The following MAP3K1 variants were observed in gnomAD, a reference collection of about 807,000 sequenced individuals.
The protein encoded by MAP3K1 is mitogen-activated protein kinase kinase kinase 1.
In MAP3K1, 36 loss-of-function variants were observed where a neutral mutation model predicts 144.2. The observed-to-expected ratio is 0.25, with a 90% CI of 0.19 to 0.33. The LOEUF is 0.33. Among genes scored for constraint, MAP3K1 ranks in the 10% least tolerant of loss-of-function variants. The pLI is 1.00. For synonymous variants in MAP3K1, 718 were observed against 688.7 expected, an observed-to-expected ratio of 1.04 and a Z score of -0.67; for missense variants, 1,650 against 1,881.9, an observed-to-expected ratio of 0.88 and a Z score of 2.28.
intron 1 of MAP3K1, among the ~76,000 whole-genome samples, chr5:56,841,816 A>T (rs1324113958): frequency 6.6e-6 from 1 of 152,222 alleles, no homozygotes; most frequent in African/African-American, 2.4e-5. Context: ...GTCATGGCTA[A>T]TGGCACAGTC....
At chr5:56,831,037 A>G (rs574662198) in intron 1 of MAP3K1, among the ~76,000 whole-genome samples, 2 of 152,162 alleles carry the variant, frequency 1.3e-5, no homozygotes, top group Non-Finnish European at 2.9e-5. Context: ...ATGTTAATTC[A>G]TTCCCATATG....
At chr5:56,846,021 A>G (rs146753384) in intron 1 of MAP3K1, among the ~76,000 whole-genome samples, 38 of 152,344 alleles carry the variant, frequency 2.5e-4, no homozygotes, top group African/African-American at 8.4e-4. Flanking sequence ...GATGAGTGAT[A>G]TAAGTGTTTT....
intron 1 of MAP3K1, among the ~76,000 whole-genome samples, chr5:56,821,751 T>TA (rs963853633): frequency 4.6e-5 from 7 of 152,190 alleles, no homozygotes; most frequent in African/African-American, 1.7e-4. Context: ...AAACTGGTCT[T>TA]ATGGTATTCT....
chr5:56,844,459 G>A (rs1433880357), intron 1 of MAP3K1, among the ~76,000 whole-genome samples: 3 of 152,082 alleles, frequency 2.0e-5, no homozygotes, highest in Non-Finnish European at 4.4e-5. Flanking sequence ...GATTACAGGT[G>A]TGAGCCACCG....
intron 3 of MAP3K1, 90 bp from the exon 4 acceptor site, chr5:56,864,644 A>T (rs1331389178): frequency 2.2e-6 from 3 of 1,391,166 alleles, no homozygotes; most frequent in African/African-American, 1.4e-5. Flanking sequence ...AAGTGCTGGG[A>T]TTACAGGCGT....
rs1748243745 is a variant in MAP3K1 at position 56,882,260 on chromosome 5, A to G, written c.3060A>G (p.Gln1020=). Reference sequence around the variant, plus strand: ...GCAGAATACCTTCTGCATCTCCTCAAACACAGCGCAAGTTTTCTCTACAAT... The same window carrying G: ...GCAGAATACCTTCTGCATCTCCTCAGACACAGCGCAAGTTTTCTCTACAAT... ...IPCRIPSASP[Q]TQRKFSLQFH... Residue 1020 remains glutamine, a synonymous_variant, in exon 14 of 20, where the codon CAA becomes CAG. Transcript: ENST00000399503. 1 of 1,614,070 alleles carries G rather than the reference A, an allele frequency of 6.2e-7. No individual in the cohort carries two copies. The highest frequency in any genetic ancestry group is 1.7e-5 in the Admixed American group (1 of 59,990).
At position 56,881,279 on chromosome 5, in the gene MAP3K1, T is replaced by G; in HGVS notation, c.2369+7T>G. On this transcript the variant is annotated splice_region_variant and intron_variant, in intron 13 of 19. Transcript: ENST00000399503. ...CTGAGCCTGTTGAAATCAGGTAATTTTTCTTCTGAAAATGTATTACTTGTA... is the reference window on the plus strand; with the variant it reads ...CTGAGCCTGTTGAAATCAGGTAATTGTTCTTCTGAAAATGTATTACTTGTA... 2 of 1,609,540 alleles carry G rather than the reference T, an allele frequency of 1.2e-6. No individual in the cohort carries two copies. Among genetic ancestry groups the G allele is most frequent in the Non-Finnish European group, 1.7e-6 (2 of 1,176,800 alleles).
At chr5:56,816,554 G>C (rs115694969) in intron 1 of MAP3K1, among the ~76,000 whole-genome samples, 1 of 152,212 alleles carries the variant, frequency 6.6e-6, no homozygotes, top group Admixed American at 6.5e-5. Context: ...GGACCGAAGA[G>C]AAAGTAGCAG....
chr5:56,857,256 A>G (rs1479551563), intron 2 of MAP3K1, among the ~76,000 whole-genome samples: 1 of 152,168 alleles, frequency 6.6e-6, no homozygotes, highest in Non-Finnish European at 1.5e-5. Context: ...TTGACATGAA[A>G]AAATGTTTAA....
chr5:56,871,143 G>A (rs1471973736), intron 6 of MAP3K1, among the ~76,000 whole-genome samples: 1 of 151,926 alleles, frequency 6.6e-6, no homozygotes, highest in Non-Finnish European at 1.5e-5. Context: ...ATTATGTTGC[G>A]ATTTTGCCAT....
At position 56,856,584 on chromosome 5, in the gene MAP3K1, T is replaced by C. The variant is rs753955220; in HGVS notation, c.483-16T>C. The C allele has an allele frequency of 6.2e-7, 1 of 1,604,160 alleles. No homozygotes were observed. The highest frequency in any genetic ancestry group is 8.5e-7 in the Non-Finnish European group (1 of 1,170,794). Reference sequence around the variant, plus strand: ...ATATACATTTCTCATTTTATTTGTTTCTGCCTGCATTTTAGTCGTGAGATG... The same window carrying C: ...ATATACATTTCTCATTTTATTTGTTCCTGCCTGCATTTTAGTCGTGAGATG... On this transcript the variant is annotated splice_polypyrimidine_tract_variant and intron_variant, in intron 1 of 19. Coordinates refer to ENST00000399503, the MANE Select transcript of MAP3K1 (RefSeq NM_005921.2).
rs780685292 is a variant in MAP3K1, at chr5:56,882,386, A to G, written c.3186A>G (p.Pro1062=). The part of the protein sequence containing the change: ...LPSSNIHRPK[P]SRPTPGNTSK... ...CCAGTAACATACACAGGCCAAAGCC[A>G]TCTAGACCTACCCCAGGTAATACAA... Residue 1062 remains proline (P), a synonymous_variant, in exon 14 of 20, where the codon CCA becomes CCG. Coordinates refer to ENST00000399503, the MANE Select transcript of MAP3K1 (RefSeq NM_005921.2). The G allele has an allele frequency of 2.5e-6, 4 of 1,614,046 alleles. No individual in the cohort carries two copies. In the East Asian group the frequency reaches 8.9e-5, roughly 36 times the overall value.
At chr5:56,870,126 A>G (rs924967552) in intron 6 of MAP3K1, among the ~76,000 whole-genome samples, 3 of 152,284 alleles carry the variant, frequency 2.0e-5, no homozygotes, top group East Asian at 1.9e-4. Flanking sequence ...AATTAGAATT[A>G]AAAAAATTAG....
chr5:56,891,135 CAG>C (rs879768641), intron 19 of MAP3K1, among the ~76,000 whole-genome samples: 40 of 58,774 alleles, frequency 6.8e-4, no homozygotes, highest in Non-Finnish European at 1.4e-3. Context: ...AAAACACACA[CAG>C]ACACACACAC....
At chr5:56,831,692 T>G (rs1746499315) in intron 1 of MAP3K1, among the ~76,000 whole-genome samples, 1 of 152,344 alleles carries the variant, frequency 6.6e-6, no homozygotes, top group East Asian at 1.9e-4. Flanking sequence ...TATGTAGGAC[T>G]AATGCAAAAA....
At chr5:56,858,437 T>C (rs895571630) in intron 2 of MAP3K1, among the ~76,000 whole-genome samples, 4 of 152,212 alleles carry the variant, frequency 2.6e-5, no homozygotes, top group Non-Finnish European at 4.4e-5. Flanking sequence ...AGGGAGGAGA[T>C]GTGTGGAATA....
chr5:56,816,458 G>T (rs1319730446), intron 1 of MAP3K1, among the ~76,000 whole-genome samples: 3 of 152,092 alleles, frequency 2.0e-5, no homozygotes, highest in Admixed American at 6.5e-5. Flanking sequence ...AAAGGCACTG[G>T]GGGGCGAGGC....
intron 19 of MAP3K1, among the ~76,000 whole-genome samples, chr5:56,889,053 A>G (rs1579787312): frequency 6.6e-6 from 1 of 152,238 alleles, no homozygotes; most frequent in African/African-American, 2.4e-5. Flanking sequence ...GTGTGTTTAT[A>G]TGTATATGTA....
intron 12 of MAP3K1, 64 bp from the exon 13 acceptor site, chr5:56,881,019 T>A: frequency 1.5e-6 from 2 of 1,359,470 alleles, no homozygotes. Flanking sequence ...CATTTAATCA[T>A]GTCTTGTTTT....
Sources: gnomAD v4.1 joint callset for allele counts (sites outside exome capture counted in the v4.1 genomes callset) on GRCh38, gnomAD v4.1.1 for gene constraint, MANE v1.5 for transcripts, NCBI Gene and HGNC (gene_info 2026-07-23, HGNC 2026-07-21) for gene names.